The following P3H2 variants were observed in gnomAD, a reference collection of about 807,000 sequenced individuals.
The protein encoded by P3H2 is leprecan-like 1.
P3H2 carries 80 observed loss-of-function variants against 87.0 expected under a neutral mutation model. The observed-to-expected ratio is 0.92, with a 90% confidence interval of 0.77 to 1.11. P3H2 has a LOEUF of 1.11. Among genes scored for constraint, P3H2 ranks in the 50% least tolerant of loss-of-function variants. P3H2 has a pLI of 0.00. For missense variants in P3H2, 1,001 were observed against 923.9 expected (o/e 1.08, Z -1.08); for synonymous variants, 367 against 359.3 (o/e 1.02, Z -0.24).
At chr3:190,053,966 A>G (rs543844252) in intron 1 of P3H2, among the ~76,000 whole-genome samples, 21 of 152,248 alleles carry the variant, frequency 1.4e-4, no homozygotes, top group African/African-American at 5.1e-4. Context: ...TTTTATATCA[A>G]TGTTTCCATC....
In P3H2 at chr3:189,964,026, C is replaced by G; in HGVS notation, c.1966G>C (p.Ala656Pro). 2 of 1,614,158 alleles carry G rather than the reference C, an allele frequency of 1.2e-6. No homozygotes were observed. The highest frequency in any genetic ancestry group is 1.7e-6 in the Non-Finnish European group (2 of 1,179,982). ...SGGENPHGVK[A>P]VTKGKRCAVA... ...GCACACCTCTTTCCCTTGGTGACTG[C>G]CTTCACCCCATGAGGGTTCTCTCCT... The change falls in exon 14 of 15, where the codon GCA (alanine) becomes CCA (proline). Residue 656 changes from alanine (A) to proline (P), a missense_variant. By Grantham distance (27) the Ala-to-Pro change is conservative (BLOSUM62 -1). Coordinates refer to ENST00000319332, the MANE Select transcript of P3H2 (RefSeq NM_018192.4).
At chr3:190,066,158 T>TAC (rs796289092) in intron 1 of P3H2, among the ~76,000 whole-genome samples, 100 of 134,620 alleles carry the variant, frequency 7.4e-4, no homozygotes, top group Admixed American at 1.8e-3. Flanking sequence ...TATATATATA[T>TAC]ACACACACAC....
chr3:190,030,374 T>A (rs115466015), intron 1 of P3H2, among the ~76,000 whole-genome samples: 1 of 152,178 alleles, frequency 6.6e-6, no homozygotes, highest in African/African-American at 2.4e-5. Context: ...CAGTTCAAGA[T>A]GAGCCTGGGC....
chr3:189,996,499 C>T (rs972598923), intron 1 of P3H2, among the ~76,000 whole-genome samples: 1 of 152,072 alleles, frequency 6.6e-6, no homozygotes, highest in Non-Finnish European at 1.5e-5. Flanking sequence ...TCAAAGAGTA[C>T]AAAGTTATAG....
rs548148319 is a variant in P3H2, at chr3:190,052,116, A to C, written c.481-56674T>G. 3.9e-4 allele frequency among the ~76,000 whole-genome samples: 60 copies of C among 152,356 alleles called. 1 individual carries two copies. The highest frequency in any genetic ancestry group is 1.4e-3 in the African/African-American group (59 of 41,576). On this transcript the variant is annotated intron_variant, in intron 1 of 14. Coordinates refer to ENST00000319332, the MANE Select transcript of P3H2 (RefSeq NM_018192.4). ...ACTTTAAGTTCTGGGATACACGTGC[A>C]GAACGTGCAGGATTGTTACATAGGT...
At chr3:190,025,555 A>C (rs1180654011) in intron 1 of P3H2, among the ~76,000 whole-genome samples, 1 of 152,182 alleles carries the variant, frequency 6.6e-6, no homozygotes, top group Non-Finnish European at 1.5e-5. Flanking sequence ...TATGATGCGG[A>C]TAATGTAAAT....
intron 13 of P3H2, among the ~76,000 whole-genome samples, chr3:189,967,106 T>C (rs2108905307): frequency 6.6e-6 from 1 of 152,244 alleles, no homozygotes; most frequent in East Asian, 1.9e-4. Context: ...AGAATAAACT[T>C]CCTGTGGGGA....
chr3:190,114,463 G>A (rs1305097523), intron 1 of P3H2, among the ~76,000 whole-genome samples: 3 of 152,130 alleles, frequency 2.0e-5, no homozygotes, highest in African/African-American at 4.8e-5. Context: ...TGGGATTACA[G>A]GCTTGAACCA....
chr3:190,027,859 T>C (rs1725129506), intron 1 of P3H2, among the ~76,000 whole-genome samples: 1 of 151,806 alleles, frequency 6.6e-6, no homozygotes, highest in South Asian at 2.1e-4. Flanking sequence ...ACCTCCTCTC[T>C]GGCTTCACGG....
intron 1 of P3H2, among the ~76,000 whole-genome samples, chr3:190,030,851 A>T (rs1205536669): frequency 6.6e-6 from 1 of 152,206 alleles, no homozygotes. Flanking sequence ...AATTAATGAG[A>T]ATATTACATA....
intron 1 of P3H2, among the ~76,000 whole-genome samples, chr3:190,044,019 C>G (rs571803450): frequency 5.4e-4 from 82 of 152,232 alleles, no homozygotes; most frequent in Middle Eastern, 3.4e-3. Context: ...GTCATAAACA[C>G]TTTACAAAGA....
chr3:190,039,202 A>C (rs978217379), intron 1 of P3H2, among the ~76,000 whole-genome samples: 1 of 152,000 alleles, frequency 6.6e-6, no homozygotes, highest in South Asian at 2.1e-4. Context: ...AAAAAAAAAT[A>C]AAAAAGAATT....
intron 1 of P3H2, among the ~76,000 whole-genome samples, chr3:190,100,525 C>A (rs1337135211): frequency 6.6e-6 from 1 of 151,938 alleles, no homozygotes; most frequent in African/African-American, 2.4e-5. Flanking sequence ...CAGAGACTTC[C>A]AAGATTACAT....
intron 1 of P3H2, among the ~76,000 whole-genome samples, chr3:190,085,336 T>C (rs1253374867): frequency 6.6e-6 from 1 of 152,220 alleles, no homozygotes; most frequent in Admixed American, 6.5e-5. Context: ...GACATTTCTG[T>C]TTATTGATAC....
intron 1 of P3H2, among the ~76,000 whole-genome samples, chr3:190,077,473 T>G (rs1368319449): frequency 6.6e-6 from 1 of 152,322 alleles, no homozygotes; most frequent in East Asian, 1.9e-4. Context: ...TGTATGCACA[T>G]GGACACACAC....
At chr3:189,979,871 G>A (rs1723474763) in intron 8 of P3H2, among the ~76,000 whole-genome samples, 2 of 152,068 alleles carry the variant, frequency 1.3e-5, no homozygotes, top group Admixed American at 6.6e-5. Flanking sequence ...GGGAGGCTGA[G>A]ACAGGAGAAT....
At chr3:190,056,822 C>T (rs974700404) in intron 1 of P3H2, among the ~76,000 whole-genome samples, 33 of 152,284 alleles carry the variant, frequency 2.2e-4, no homozygotes, top group Admixed American at 1.8e-3. Flanking sequence ...TCTGGGCCTC[C>T]CCACTTCCTT....
chr3:189,979,838 T>G (rs1723473305), intron 8 of P3H2, among the ~76,000 whole-genome samples: 2 of 151,478 alleles, frequency 1.3e-5, no homozygotes, highest in Non-Finnish European at 2.9e-5. Flanking sequence ...CATGGTGGCA[T>G]GCACCTGTAG....
At chr3:190,051,878 G>A (rs1425725087) in intron 1 of P3H2, among the ~76,000 whole-genome samples, 1 of 152,052 alleles carries the variant, frequency 6.6e-6, no homozygotes, top group Non-Finnish European at 1.5e-5. Context: ...CTAAGCACAA[G>A]GACTTCCCCT....
Sources: gnomAD v4.1 joint callset for allele counts (sites outside exome capture counted in the v4.1 genomes callset) on GRCh38, gnomAD v4.1.1 for gene constraint, MANE v1.5 for transcripts, NCBI Gene and HGNC (gene_info 2026-07-23, HGNC 2026-07-21) for gene names.